Variants in MAMSTR observed in about 807,000 individuals in gnomAD.
MAMSTR encodes the protein MEF2-activating motif and SAP domain-containing transcriptional regulator.
MAMSTR carries 41 observed loss-of-function variants against 42.7 expected under a neutral mutation model. The ratio of observed to expected loss-of-function variants is 0.96; its 90% CI spans 0.75 to 1.25. The LOEUF is 1.25. MAMSTR is among the 50% of genes most tolerant of loss of function. MAMSTR has a pLI of 0.00. For missense variants in MAMSTR, 567 were observed against 557.6 expected, an observed-to-expected ratio of 1.02 and a Z score of -0.17; for synonymous variants, 265 against 244.1, an observed-to-expected ratio of 1.09 and a Z score of -0.80.
At chr19:48,710,074 G>A (rs1385685896), downstream of MAMSTR, among the ~76,000 whole-genome samples, 2 of 151,368 alleles carry the variant, frequency 1.3e-5, no homozygotes, top group African/African-American at 4.9e-5. Flanking sequence ...TTTCACCGTG[G>A]TCTTGATCTC....
chr19:48,715,784 G>A lies in MAMSTR; in HGVS notation c.98-17C>T. On this transcript the variant is annotated splice_polypyrimidine_tract_variant and intron_variant, in intron 3 of 9. Coordinates refer to ENST00000318083, the MANE Select transcript of MAMSTR (RefSeq NM_001130915.2). ...GATCCGAGACTGGAGAGACGGTGAA[G>A]GACCCTGAGAGGCCTGCAGGCAGCA... 2.0e-6 allele frequency: 3 copies of A among 1,533,558 alleles called. No individual in the cohort carries two copies. The highest frequency in any genetic ancestry group is 1.8e-6 in the Non-Finnish European group (2 of 1,142,456). 95.0% of individuals were successfully genotyped at this position (1,533,558 alleles called of 1,614,324 possible).
downstream of MAMSTR, among the ~76,000 whole-genome samples, chr19:48,708,719 G>A (rs560307353): frequency 5.3e-5 from 8 of 152,308 alleles, no homozygotes; most frequent in African/African-American, 1.2e-4. Flanking sequence ...GGATGCAGGC[G>A]AGATGCGGAA....
Position 48,713,072 on chromosome 19 carries a change from G to T in MAMSTR, c.*195C>A. ...CCCCCAACCATACCACGCCGGAGGG[G>T]GATCATAAGGAGGCCAGGTAGGCAA... On this transcript the variant is annotated 3_prime_UTR_variant, in exon 10 of 10. Transcript: ENST00000318083. 1 of 532,980 alleles carries T rather than the reference G, an allele frequency of 1.9e-6. No homozygotes were observed. Among genetic ancestry groups the T allele is most frequent in the Non-Finnish European group, 3.2e-6 (1 of 310,184 alleles). The allele number at this position is 532,980 out of a possible 1,614,324, so 33.0% of individuals were successfully genotyped here. A position where few individuals can be genotyped will look rare whatever the true frequency, so the allele number is the denominator to read the frequency against.
In MAMSTR at chr19:48,714,436, T is replaced by C; in HGVS notation, c.653A>G (p.Asp218Gly). 7.3e-7 allele frequency: 1 copy of C among 1,369,868 alleles called. No homozygotes were observed. The highest frequency in any genetic ancestry group is 1.5e-5 in the African/African-American group (1 of 65,536). The allele number at this position is 1,369,868 out of a possible 1,614,324, so 84.9% of individuals were successfully genotyped here. Reference sequence around the variant, plus strand: ...CGGCCAGGGAGCACCCGCGGGACTGTCCTCGCGCCGCGGCTTCGGCCGCTC... The same window carrying C: ...CGGCCAGGGAGCACCCGCGGGACTGCCCTCGCGCCGCGGCTTCGGCCGCTC... ...PRERPKPRREDSPAGAPWPRL... is the reference protein window; with the variant it reads ...PRERPKPRREGSPAGAPWPRL... The change falls in exon 7 of 10, where the codon GAC (aspartate) becomes GGC (glycine). Residue 218 changes from aspartate to glycine, a missense_variant. Coordinates refer to ENST00000318083, the MANE Select transcript of MAMSTR (RefSeq NM_001130915.2).
chr19:48,711,748 T>TA (rs1038064835), downstream of MAMSTR, among the ~76,000 whole-genome samples: 1 of 142,160 alleles, frequency 7.0e-6, no homozygotes, highest in African/African-American at 2.6e-5. Context: ...AGTTTTTTTT[T>TA]TTTTTTTTTT....
At chr19:48,708,705 C>T (rs1312031472), downstream of MAMSTR, among the ~76,000 whole-genome samples, 2 of 152,168 alleles carry the variant, frequency 1.3e-5, no homozygotes, top group Middle Eastern at 3.2e-3. Context: ...ACAGAGCCCA[C>T]TCTGGATGCA....
At chr19:48,707,838 G>GGAAAA (rs1555755166), downstream of MAMSTR, among the ~76,000 whole-genome samples, 1 of 90,994 alleles carries the variant, frequency 1.1e-5, no homozygotes, top group East Asian at 2.8e-4. Flanking sequence ...AAGAAAGAAA[G>GGAAAA]GAAAGAAAGA....
intron 5 of MAMSTR, 40 bp from the exon 6 acceptor site, chr19:48,714,948 T>A (rs1163125732): frequency 7.3e-7 from 1 of 1,376,254 alleles, no homozygotes; most frequent in Non-Finnish European, 1.0e-6. Flanking sequence ...GTTAGAGAGG[T>A]AGAGGGGGAA....
chr19:48,707,832 A>C (rs2032666350), downstream of MAMSTR, among the ~76,000 whole-genome samples: 1 of 111,918 alleles, frequency 8.9e-6, no homozygotes, highest in African/African-American at 3.9e-5. Flanking sequence ...AAGACAAAGA[A>C]AGAAAGGAAA....
chr19:48,716,906 C>G, intron 2 of MAMSTR, 163 bp from the exon 3 acceptor site: 1 of 1,211,746 alleles, frequency 8.3e-7, no homozygotes, highest in Non-Finnish European at 1.0e-6. Flanking sequence ...CTCCCTTCCT[C>G]GGGCCTCCCG....
chr19:48,713,923 T>G lies in MAMSTR; in HGVS notation c.846A>C (p.Ser282=). Residue 282 remains serine, a synonymous_variant, in exon 8 of 10, where the codon TCA becomes TCC. Transcript: ENST00000318083. ...PAAAPALTPS[S]GPGSAALTLE... is the part of the protein sequence containing the mutation. ...GAGTCAGAGCCGCTGAGCCCGGCCC[T>G]GAGGAAGGGGTCAGGGCTGGAGCTG... is the stretch of plus-strand genomic sequence containing the variant. The G allele has an allele frequency of 6.2e-7, 1 of 1,612,280 alleles. No individual in the cohort carries two copies. The highest frequency in any genetic ancestry group is 8.5e-7 in the Non-Finnish European group (1 of 1,178,838).
downstream of MAMSTR, among the ~76,000 whole-genome samples, chr19:48,711,559 G>GTTGT (rs57913334): frequency 0.39 from 58,015 of 150,254 alleles, 12,630 homozygotes; most frequent in Middle Eastern, 0.53. Context: ...GTGGGTTTTT[G>GTTGT]TTGTTTGTTT....
chr19:48,707,247 C>CTT, the MAMSTR span, among the ~76,000 whole-genome samples: 1 of 150,398 alleles, frequency 6.6e-6, no homozygotes, highest in East Asian at 2.0e-4. Flanking sequence ...TGAAACCCTG[C>CTT]CTCTACTAAA....
In MAMSTR at chr19:48,715,359, G is replaced by C; in HGVS notation, c.328C>G (p.Gln110Glu). The C allele has an allele frequency of 6.5e-7, 1 of 1,547,756 alleles. No individual in the cohort carries two copies. Among genetic ancestry groups the C allele is most frequent in the Non-Finnish European group, 8.7e-7 (1 of 1,154,822 alleles). ...GCTTGGGGGTCCGCCCTGGATCCCT[G>C]TCTCGGCTCTGGGGGCATGTACTGG... ...YHQYMPPEPRQGSRADPQAEG... is the reference protein window; with the variant it reads ...YHQYMPPEPREGSRADPQAEG... The change falls in exon 5 of 10, where the codon CAG (glutamine) becomes GAG (glutamate). Residue 110 changes from glutamine to glutamate, a missense_variant. By Grantham distance (29) the Gln-to-Glu change is conservative (BLOSUM62 2). Transcript: ENST00000318083.
chr19:48,709,066 G>A (rs1372230156), downstream of MAMSTR, among the ~76,000 whole-genome samples: 2 of 152,018 alleles, frequency 1.3e-5, no homozygotes, highest in African/African-American at 2.4e-5. Context: ...GAGGTGGGAG[G>A]AGCACTTGGG....
At chr19:48,711,387 G>A (rs963411752), downstream of MAMSTR, among the ~76,000 whole-genome samples, 3 of 152,186 alleles carry the variant, frequency 2.0e-5, no homozygotes, top group African/African-American at 7.2e-5. Context: ...CACATCTGAT[G>A]TGCCATCTTG....
At chr19:48,716,838 G>A (rs2033058002) in intron 2 of MAMSTR, 95 bp from the exon 3 acceptor site, 9 of 1,254,732 alleles carry the variant, frequency 7.2e-6, no homozygotes, top group Non-Finnish European at 9.1e-6. Context: ...GTTGTTGGCG[G>A]GATATGCGTG....
chr19:48,709,235 G>A (rs113968868), downstream of MAMSTR, among the ~76,000 whole-genome samples: 3,462 of 152,158 alleles, frequency 0.023, 135 homozygotes, highest in African/African-American at 0.078. Flanking sequence ...CACAACCTCC[G>A]CCTCCCGGAT....
chr19:48,712,447 G>A (rs1271969437), downstream of MAMSTR, among the ~76,000 whole-genome samples: 6 of 147,352 alleles, frequency 4.1e-5, no homozygotes, highest in Non-Finnish European at 7.5e-5. Context: ...TTAAGATGGA[G>A]TTTAGCTCCT....
Sources: gnomAD v4.1 joint callset for allele counts (sites outside exome capture counted in the v4.1 genomes callset) on GRCh38, gnomAD v4.1.1 for gene constraint, MANE v1.5 for transcripts, NCBI Gene and HGNC (gene_info 2026-07-23, HGNC 2026-07-21) for gene names.